The following NDUFAF6 variants were observed in gnomAD, a reference collection of about 807,000 sequenced individuals.
NDUFAF6 encodes the protein NADH:ubiquinone oxidoreductase complex assembly factor 6.
NDUFAF6 carries 45 observed loss-of-function variants against 40.8 expected under a neutral mutation model. That is an observed-to-expected ratio of 1.10 (90% CI 0.87 to 1.42). The LOEUF is 1.42. Among genes scored for constraint, NDUFAF6 ranks in the 40% most tolerant of loss-of-function variants. NDUFAF6 has a pLI of 0.00. For synonymous variants in NDUFAF6, 185 were observed against 155.9 expected (o/e 1.19, Z -1.39); for missense variants, 435 against 418.5 (o/e 1.04, Z -0.34).
In NDUFAF6 at chr8:95,047,146, C is replaced by T. The variant is rs570393114; in HGVS notation, c.714+19C>T. ...TATGCTGGTAAGGCTGTAATTTGTACCTTTGAATAATTTACCTCAGGAATA... is the reference window on the plus strand; with the variant it reads ...TATGCTGGTAAGGCTGTAATTTGTATCTTTGAATAATTTACCTCAGGAATA... On this transcript the variant is annotated intron_variant, in intron 6 of 8. Coordinates refer to ENST00000396124, the MANE Select transcript of NDUFAF6 (RefSeq NM_152416.4). 6.2e-7 allele frequency: 1 copy of T among 1,613,984 alleles called. No individual in the cohort carries two copies. The highest frequency in any genetic ancestry group is 1.1e-5 in the South Asian group (1 of 91,070).
At chr8:95,094,475 C>T (rs1809380473) in intron 2 of NDUFAF6, among the ~76,000 whole-genome samples, 1 of 142,660 alleles carries the variant, frequency 7.0e-6, no homozygotes, top group Admixed American at 7.2e-5. Context: ...TGCAGTGGCA[C>T]GATCTTGGCT....
At chr8:94,953,240 G>A (rs1451262213), upstream of NDUFAF6, among the ~76,000 whole-genome samples, 2 of 151,998 alleles carry the variant, frequency 1.3e-5, no homozygotes, top group East Asian at 3.9e-4. Flanking sequence ...CCAGCTACTC[G>A]GGAAGCTGAG....
chr8:95,068,228 C>T (rs996522517), intron 9 of NDUFAF6: 5 of 151,904 alleles, frequency 3.3e-5, no homozygotes, highest in African/African-American at 1.2e-4. Flanking sequence ...CACCTTTCAG[C>T]ATCTTCTTAT....
chr8:94,930,321 A>G (rs986349169), intron 1 of NDUFAF6: 8 of 1,017,936 alleles, frequency 7.9e-6, no homozygotes, highest in Non-Finnish European at 1.1e-5. Context: ...TACACAGCAT[A>G]TAAATCTGAT....
chr8:94,986,906 C>T (rs917305883), intron 2 of NDUFAF6, among the ~76,000 whole-genome samples: 1 of 152,162 alleles, frequency 6.6e-6, no homozygotes, highest in African/African-American at 2.4e-5. Flanking sequence ...TCTACAGGAG[C>T]TCTTGTTTAT....
At position 94,996,898 on chromosome 8, in the gene NDUFAF6, A is replaced by G. The variant is rs28669688; in HGVS notation, c.-84+15925A>G. Among the ~76,000 whole-genome samples, 443 of 152,304 alleles carry G rather than the reference A, an allele frequency of 2.9e-3. 2 individuals carry two copies. Among genetic ancestry groups the G allele is most frequent in the African/African-American group, 0.01 (417 of 41,552 alleles). ...CCTGAAAGCCAAGGAGAGAGGCCTC[A>G]GAAGAAACCAGCACCTTGATCTTGG... On this transcript the variant is annotated intron_variant, in intron 2 of 9. Coordinates refer to the NDUFAF6 transcript ENST00000396111.
chr8:94,962,248 C>T (rs1823638361), intron 1 of NDUFAF6, among the ~76,000 whole-genome samples: 1 of 152,236 alleles, frequency 6.6e-6, no homozygotes, highest in Non-Finnish European at 1.5e-5. Flanking sequence ...GATAGAAAGA[C>T]AGGAGGAGAC....
intron 2 of NDUFAF6, among the ~76,000 whole-genome samples, chr8:95,010,315 C>T: frequency 6.6e-6 from 1 of 152,130 alleles, no homozygotes; most frequent in Non-Finnish European, 1.5e-5. Flanking sequence ...TCTCGAACTC[C>T]TGACCTCAAG....
intron 2 of NDUFAF6, among the ~76,000 whole-genome samples, chr8:95,004,057 A>G (rs1435672996): frequency 6.6e-6 from 1 of 152,100 alleles, no homozygotes; most frequent in African/African-American, 2.4e-5. Context: ...GTTATTTTCC[A>G]TCTACCTCGC....
At chr8:95,030,187 CA>C (rs1287784195) in intron 1 of NDUFAF6, among the ~76,000 whole-genome samples, 1 of 151,680 alleles carries the variant, frequency 6.6e-6, no homozygotes, top group Non-Finnish European at 1.5e-5. Flanking sequence ...GGTACAAGCT[CA>C]TAGAGTCCTG....
At chr8:95,106,960 C>T (rs577430501), downstream of NDUFAF6, among the ~76,000 whole-genome samples, 56 of 152,216 alleles carry the variant, frequency 3.7e-4, no homozygotes, top group African/African-American at 1.3e-3. Flanking sequence ...GTTAGAATGG[C>T]GATCATTAAA....
rs144422360 is a variant in NDUFAF6 at position 94,912,974 on chromosome 8, T to C, written c.-936+17047T>C. Among the ~76,000 whole-genome samples, 634 of 152,270 alleles carry C rather than the reference T, an allele frequency of 4.2e-3. 2 individuals carry two copies. Among genetic ancestry groups the C allele is most frequent in the African/African-American group, 0.014 (582 of 41,542 alleles). ...AGCCTGGCGACAAAGCGAGACTCCA[T>C]CTCAATCAATCAATAGATAATAAAC... On this transcript the variant is annotated intron_variant, in intron 1 of 14. Transcript: ENST00000396113.
In NDUFAF6 at chr8:94,972,422, A is replaced by G. The variant is rs148366877; in HGVS notation, c.-198-8437A>G. 4.6e-4 allele frequency among the ~76,000 whole-genome samples: 70 copies of G among 152,120 alleles called. 2 individuals are homozygous for G. The East Asian group carries it at 0.013, about 28-fold the overall frequency. On this transcript the variant is annotated intron_variant, in intron 1 of 9. Transcript: ENST00000396111. ...CCAGGCTAATTTTTGTATTTTTAGTAGATATGGGGTTTCGCCATGTTGGTC... is the reference window on the plus strand; with the variant it reads ...CCAGGCTAATTTTTGTATTTTTAGTGGATATGGGGTTTCGCCATGTTGGTC...
chr8:95,103,617 C>T (rs1587279384), downstream of NDUFAF6, among the ~76,000 whole-genome samples: 1 of 152,176 alleles, frequency 6.6e-6, no homozygotes, highest in Non-Finnish European at 1.5e-5. Flanking sequence ...TGTTCCCTGA[C>T]CTCCTGCCCC....
Position 94,902,410 on chromosome 8 carries a change from C to G in NDUFAF6, c.-936+6483C>G, listed in dbSNP as rs529910007. ...CTCCAGCCTGGGTGACAGAGTGAGGCCCTGTCTCAAAAAAAAAAAAAAAGA... is the reference window on the plus strand; with the variant it reads ...CTCCAGCCTGGGTGACAGAGTGAGGGCCTGTCTCAAAAAAAAAAAAAAAGA... On this transcript the variant is annotated intron_variant, in intron 1 of 14. Coordinates refer to the NDUFAF6 transcript ENST00000396113. Among the ~76,000 whole-genome samples, 19 of 118,638 alleles carry G rather than the reference C, an allele frequency of 1.6e-4. 1 individual carries two copies. The South Asian group carries it at 5.3e-3, about 33-fold the overall frequency. The allele number at this position is 118,638 out of a possible 152,430, so 77.8% of individuals were successfully genotyped here.
intron 2 of NDUFAF6, among the ~76,000 whole-genome samples, chr8:95,087,418 C>T (rs940776487): frequency 1.3e-5 from 2 of 152,124 alleles, no homozygotes; most frequent in African/African-American, 4.8e-5. Flanking sequence ...TTATTTCCTC[C>T]AAAGTTTCCT....
chr8:94,957,181 A>C (rs1823157322), upstream of NDUFAF6, among the ~76,000 whole-genome samples: 1 of 152,194 alleles, frequency 6.6e-6, no homozygotes, highest in Admixed American at 6.5e-5. Flanking sequence ...CAAAAAATAA[A>C]AAATGGGGAG....
At chr8:94,956,619 C>T (rs1823096898), upstream of NDUFAF6, among the ~76,000 whole-genome samples, 1 of 151,998 alleles carries the variant, frequency 6.6e-6, no homozygotes, top group Non-Finnish European at 1.5e-5. Context: ...CAAAAGAATC[C>T]CCCTGGCTAC....
chr8:94,981,918 AC>A, intron 2 of NDUFAF6, among the ~76,000 whole-genome samples: 1 of 146,568 alleles, frequency 6.8e-6, no homozygotes, highest in South Asian at 2.2e-4. Flanking sequence ...ACAGAGTGAG[AC>A]CCTGTCTCAA....
Sources: gnomAD v4.1 joint callset for allele counts (sites outside exome capture counted in the v4.1 genomes callset) on GRCh38, gnomAD v4.1.1 for gene constraint, MANE v1.5 for transcripts, NCBI Gene and HGNC (gene_info 2026-07-23, HGNC 2026-07-21) for gene names.